The following GALNT18 variants were observed in gnomAD, a reference collection of about 807,000 sequenced individuals.
GALNT18 encodes polypeptide N-acetylgalactosaminyltransferase 18, also known as GalNAc-transferase 18.
In GALNT18, 44 loss-of-function variants were observed where a neutral mutation model predicts 69.5. The ratio of observed to expected loss-of-function variants is 0.63; its 90% CI spans 0.50 to 0.81. The LOEUF (loss-of-function observed/expected upper bound fraction) is 0.81. Ranked by LOEUF, GALNT18 falls within the 40% of genes least tolerant of loss-of-function variation. The pLI, the probability that GALNT18 is intolerant of heterozygous loss-of-function variation, is 0.00. For synonymous variants in GALNT18, 364 were observed against 318.2 expected, an observed-to-expected ratio of 1.14 and a Z score of -1.53; for missense variants, 715 against 810.0, an observed-to-expected ratio of 0.88 and a Z score of 1.42.
Position 11,413,358 on chromosome 11 carries a change from C to G in GALNT18, c.595+19263G>C, listed in dbSNP as rs970581596. On this transcript the variant is annotated intron_variant, in intron 3 of 10. Coordinates refer to ENST00000227756, the MANE Select transcript of GALNT18 (RefSeq NM_198516.3). This position sits in a 1 kb window ranked among gnomAD's most constrained non-coding sequence, Gnocchi z 4.7. ...ACATCCCTCTGGAGGTGCAGATGCCCCATTAGGACTCAGAGGCACTCTCTA... is the reference window on the plus strand; with the variant it reads ...ACATCCCTCTGGAGGTGCAGATGCCGCATTAGGACTCAGAGGCACTCTCTA... Among the ~76,000 whole-genome samples the G allele has an allele frequency of 3.3e-5, 5 of 152,126 alleles. No homozygotes were observed. The highest frequency in any genetic ancestry group is 1.2e-4 in the African/African-American group (5 of 41,412).
chr11:11,355,379 C>G (rs953518528), intron 6 of GALNT18, among the ~76,000 whole-genome samples: 1 of 152,098 alleles, frequency 6.6e-6, no homozygotes, highest in African/African-American at 2.4e-5. Context: ...CCCCATGTGA[C>G]TATATTGGAG....
rs1158464321 is a variant in GALNT18 at position 11,379,030 on chromosome 11, G to A, written c.779+51C>T. Reference sequence around the variant, plus strand: ...TAGCATGCTTTGCACTATTGGAGCTGAAGCCCCAGATCCCACTGGGACTCC... The same window carrying A: ...TAGCATGCTTTGCACTATTGGAGCTAAAGCCCCAGATCCCACTGGGACTCC... On this transcript the variant is annotated intron_variant, in intron 4 of 10. Coordinates refer to ENST00000227756, the MANE Select transcript of GALNT18 (RefSeq NM_198516.3). 4.1e-6 allele frequency: 6 copies of A among 1,471,370 alleles called. No homozygotes were observed. In the African/African-American group the frequency reaches 8.5e-5, roughly 21 times the overall value. 91.1% of individuals were successfully genotyped at this position (1,471,370 alleles called of 1,614,324 possible).
chr11:11,433,041 C>A (rs913817727), intron 2 of GALNT18, among the ~76,000 whole-genome samples: 5 of 152,230 alleles, frequency 3.3e-5, no homozygotes, highest in Non-Finnish European at 2.9e-5. Context: ...ATGCCATGAG[C>A]ACTTAGGACA....
chr11:11,455,846 T>C (rs1460324907), intron 1 of GALNT18, among the ~76,000 whole-genome samples: 5 of 152,210 alleles, frequency 3.3e-5, no homozygotes, highest in African/African-American at 1.2e-4. Context: ...CTCAGCACTT[T>C]GGGAGGCCAA....
chr11:11,594,921 GTGTATATA>G (rs1554956041), intron 1 of GALNT18, among the ~76,000 whole-genome samples: 14 of 147,128 alleles, frequency 9.5e-5, no homozygotes, highest in Non-Finnish European at 2.1e-4. Flanking sequence ...ATATGCGTGT[GTGTATATA>G]TATATATAAT....
At chr11:11,558,488 TGTCCC>T (rs1858387498) in intron 1 of GALNT18, among the ~76,000 whole-genome samples, 1 of 152,258 alleles carries the variant, frequency 6.6e-6, no homozygotes, top group Admixed American at 6.5e-5. Context: ...GCACAGCGCT[TGTCCC>T]TGCAGGTGGA....
rs1042250829 is a variant in GALNT18, at chr11:11,590,240, G to C, written c.235+31119C>G. Among the ~76,000 whole-genome samples the C allele has an allele frequency of 2.0e-5, 3 of 152,208 alleles. No homozygotes were observed. The highest frequency in any genetic ancestry group is 7.2e-5 in the African/African-American group (3 of 41,442). The stretch of plus-strand genomic sequence containing the variant: ...GGTGGAAATTAGGTGCTCCATGCGA[G>C]TCCTGGCTCATGGGCACCTCCATGC... On this transcript the variant is annotated intron_variant, in intron 1 of 10. Coordinates refer to ENST00000227756, the MANE Select transcript of GALNT18 (RefSeq NM_198516.3). This position sits in a 1 kb window ranked among gnomAD's most constrained non-coding sequence, Gnocchi z 4.4.
At chr11:11,608,685 G>C (rs886269899) in intron 1 of GALNT18, among the ~76,000 whole-genome samples, 1 of 152,102 alleles carries the variant, frequency 6.6e-6, no homozygotes, top group African/African-American at 2.4e-5. Context: ...CTATGCTTGG[G>C]GAAACTGAGG....
At chr11:11,568,098 A>G (rs577456220) in intron 1 of GALNT18, among the ~76,000 whole-genome samples, 2 of 152,350 alleles carry the variant, frequency 1.3e-5, no homozygotes, top group Non-Finnish European at 2.9e-5. Flanking sequence ...TGACTATACA[A>G]TTTGGCTCAG....
At chr11:11,307,937 C>T (rs529342395) in intron 9 of GALNT18, among the ~76,000 whole-genome samples, 16 of 152,300 alleles carry the variant, frequency 1.1e-4, no homozygotes, top group East Asian at 3.9e-4. Flanking sequence ...TGGAAGTGGG[C>T]GCTTTGTCCT....
intron 10 of GALNT18, among the ~76,000 whole-genome samples, chr11:11,271,860 A>G (rs1848835134): frequency 6.6e-6 from 1 of 152,250 alleles, no homozygotes; most frequent in African/African-American, 2.4e-5. Context: ...GTAGCCATTC[A>G]TACTCAGTTT....
chr11:11,544,159 G>T (rs1857990132), intron 1 of GALNT18, among the ~76,000 whole-genome samples: 1 of 152,130 alleles, frequency 6.6e-6, no homozygotes, highest in African/African-American at 2.4e-5. Context: ...TGTTCAAGAG[G>T]GTATAAATTA....
chr11:11,586,989 C>CAAATAAAT lies in GALNT18; in HGVS notation c.235+34362_235+34369dup, dbSNP rs372579300. On this transcript the variant is annotated intron_variant, in intron 1 of 10. Transcript: ENST00000227756. This position sits in a 1 kb window ranked among gnomAD's most constrained non-coding sequence, Gnocchi z 4.1. Reference sequence around the variant, plus strand: ...GGGAACAAGAGTGAAACCCCATCTCCAAATAAATAAATAAATAAATAAATA... The same window carrying CAAATAAAT: ...GGGAACAAGAGTGAAACCCCATCTCCAAATAAATAAATAAATAAATAAATAAATAAATA... Among the ~76,000 whole-genome samples, 2,595 of 151,624 alleles carry CAAATAAAT rather than the reference C, an allele frequency of 0.017. 72 individuals are homozygous for CAAATAAAT. Among genetic ancestry groups the CAAATAAAT allele is most frequent in the African/African-American group, 0.059 (2,431 of 41,156 alleles).
rs1382397893 is a variant in GALNT18 at position 11,316,616 on chromosome 11, T to A, written c.1512+10470A>T. 2.6e-5 allele frequency among the ~76,000 whole-genome samples: 4 copies of A among 152,224 alleles called. No individual in the cohort carries two copies. In the South Asian group the frequency reaches 8.3e-4, roughly 31 times the overall value. ...AGTATTTCAAAAACGTCAGAAGGAA[T>A]TAAAGTCGCTTTCATCTTTCTTCTC... On this transcript the variant is annotated intron_variant, in intron 9 of 10. Transcript: ENST00000227756.
intron 6 of GALNT18, among the ~76,000 whole-genome samples, chr11:11,368,408 C>G (rs924801139): frequency 1.3e-5 from 2 of 152,018 alleles, no homozygotes; most frequent in African/African-American, 4.8e-5. Flanking sequence ...TTTGCCTAAC[C>G]CTCCATACTG....
chr11:11,407,721 C>G (rs1246027383), intron 3 of GALNT18, among the ~76,000 whole-genome samples: 1 of 152,112 alleles, frequency 6.6e-6, no homozygotes, highest in African/African-American at 2.4e-5. Flanking sequence ...CTTAATAAAC[C>G]TAAAAGGAGG....
At position 11,377,522 on chromosome 11, in the gene GALNT18, T is replaced by C; in HGVS notation, c.780-143A>G. 1.4e-6 allele frequency: 1 copy of C among 701,876 alleles called. No individual in the cohort carries two copies. Among genetic ancestry groups the C allele is most frequent in the Non-Finnish European group, 2.4e-6 (1 of 416,772 alleles). 43.5% of individuals were successfully genotyped at this position (701,876 alleles called of 1,614,324 possible). ...TCTGATGGAGAGGTGCACTGCCTTC[T>C]GGGAAGGAGCTCCTATTCAACTTCC... On this transcript the variant is annotated intron_variant, in intron 4 of 10. Transcript: ENST00000227756. This position sits in a 1 kb window ranked among gnomAD's most constrained non-coding sequence, Gnocchi z 4.6.
intron 2 of GALNT18, among the ~76,000 whole-genome samples, chr11:11,445,102 G>T (rs145490099): frequency 6.6e-6 from 1 of 152,320 alleles, no homozygotes; most frequent in East Asian, 1.9e-4. Context: ...ATCAGCAAAT[G>T]CTCAGTGCTA....
At chr11:11,376,672 C>A (rs551803056) in intron 5 of GALNT18, among the ~76,000 whole-genome samples, 3 of 152,314 alleles carry the variant, frequency 2.0e-5, no homozygotes, top group African/African-American at 7.2e-5. Context: ...TCACTTCCCA[C>A]TTCTAGTGAC....
Sources: allele counts gnomAD v4.1 joint callset (sites outside exome capture counted in the v4.1 genomes callset), GRCh38; gene constraint gnomAD v4.1.1; non-coding constraint Gnocchi (gnomAD v3.1); transcripts MANE v1.5; gene names NCBI Gene and HGNC (gene_info 2026-07-23, HGNC 2026-07-21).